POLDIP3: variants seen among roughly 807,000 people sequenced by gnomAD.
POLDIP3 encodes polymerase delta-interacting protein 3.
POLDIP3 carries 14 observed loss-of-function variants against 45.1 expected under a neutral mutation model. That is an observed-to-expected ratio of 0.31 (90% CI 0.20 to 0.49). The LOEUF (loss-of-function observed/expected upper bound fraction) is 0.49, where lower values mean the gene tolerates loss of function less well. Ranked by LOEUF, POLDIP3 falls within the 20% of genes least tolerant of loss-of-function variation. POLDIP3 has a pLI of 0.99. For missense variants in POLDIP3, 511 were observed against 538.8 expected (o/e 0.95, Z 0.51); for synonymous variants, 223 against 205.2 (o/e 1.09, Z -0.74).
intron 1 of POLDIP3, among the ~76,000 whole-genome samples, chr22:42,614,328 T>C (rs889127755): frequency 6.6e-6 from 1 of 152,224 alleles, no homozygotes; most frequent in Non-Finnish European, 1.5e-5. Context: ...AGGGGCCGCG[T>C]GCAGGGGGAT....
intron 4 of POLDIP3, chr22:42,597,728 G>A (rs1040836843): frequency 6.4e-6 from 3 of 470,738 alleles, no homozygotes; most frequent in Admixed American, 4.7e-5. Context: ...TTACTGGAAA[G>A]GCCTGGTCCC....
chr22:42,613,158 C>T (rs957518254), intron 1 of POLDIP3, among the ~76,000 whole-genome samples: 3 of 152,178 alleles, frequency 2.0e-5, no homozygotes, highest in African/African-American at 7.2e-5. Context: ...TGGGGTGGAT[C>T]ATTCTGTCGT....
Position 42,587,514 on chromosome 22 carries a change from G to A in POLDIP3, c.1080C>T (p.Pro360=). 1 of 1,613,910 alleles carries A rather than the reference G, an allele frequency of 6.2e-7. No homozygotes were observed. The highest frequency in any genetic ancestry group is 8.5e-7 in the Non-Finnish European group (1 of 1,179,780). ...MNGNVITSDQ[P]ILLRLSDSPS... is the part of the protein sequence containing the mutation. ...CCGCCTTTGGAACTCACAGCAGGAT[G>A]GGCTGGTCTGAGGTGATAACATTCC... The change falls in exon 8 of 9, where the codon CCC becomes CCT. Residue 360 remains proline, a synonymous_variant. Transcript: ENST00000252115.
intron 8 of POLDIP3, 22 bp from the exon 9 acceptor site, chr22:42,585,990 C>CA: frequency 6.4e-7 from 1 of 1,573,024 alleles, no homozygotes; most frequent in Non-Finnish European, 8.6e-7. Context: ...AGAGAAGAGT[C>CA]AAAAATTCTT....
At chr22:42,610,052 T>C (rs1320947613) in intron 1 of POLDIP3, among the ~76,000 whole-genome samples, 1 of 152,064 alleles carries the variant, frequency 6.6e-6, no homozygotes, top group African/African-American at 2.4e-5. Context: ...CCCATGCCTG[T>C]AGTCCCAGCT....
intron 1 of POLDIP3, among the ~76,000 whole-genome samples, chr22:42,607,627 G>A (rs1350920597): frequency 2.0e-5 from 3 of 150,484 alleles, no homozygotes; most frequent in Non-Finnish European, 4.4e-5. Context: ...AGTGAGGAGC[G>A]CCTCTTCCCG....
intron 1 of POLDIP3, among the ~76,000 whole-genome samples, chr22:42,612,218 G>T (rs950450787): frequency 6.6e-6 from 1 of 152,216 alleles, no homozygotes. Flanking sequence ...CGTCTATCAA[G>T]CACTTAAGTA....
chr22:42,585,696 G>A lies in POLDIP3; in HGVS notation c.*95C>T. ...CTGGCAACCCTTCCCACAATCAGGGGTCTCCAGTCCGATGGCCCATTGGTC... is the reference window on the plus strand; with the variant it reads ...CTGGCAACCCTTCCCACAATCAGGGATCTCCAGTCCGATGGCCCATTGGTC... On this transcript the variant is annotated 3_prime_UTR_variant, in exon 9 of 9. Coordinates refer to ENST00000252115, the MANE Select transcript of POLDIP3 (RefSeq NM_032311.5). 1 of 1,404,934 alleles carries A rather than the reference G, an allele frequency of 7.1e-7. No individual in the cohort carries two copies. Among genetic ancestry groups the A allele is most frequent in the Non-Finnish European group, 9.7e-7 (1 of 1,031,310 alleles). The allele number at this position is 1,404,934 out of a possible 1,614,324, so 87.0% of individuals were successfully genotyped here. A position where few individuals can be genotyped will look rare whatever the true frequency, so the allele number is the denominator to read the frequency against.
At chr22:42,599,048 G>C (rs1926179807) in intron 4 of POLDIP3, among the ~76,000 whole-genome samples, 1 of 152,224 alleles carries the variant, frequency 6.6e-6, no homozygotes, top group Non-Finnish European at 1.5e-5. Flanking sequence ...CAGAGCTGCT[G>C]ACCACAAAGG....
intron 1 of POLDIP3, 30 bp downstream of exon 1, chr22:42,614,769 T>A (rs1927376578): frequency 6.2e-7 from 1 of 1,613,348 alleles, no homozygotes; most frequent in African/African-American, 1.3e-5. Context: ...CCGAGGACCC[T>A]AAACCCCGAA....
chr22:42,589,429 A>G (rs930756851), intron 7 of POLDIP3, among the ~76,000 whole-genome samples: 2 of 152,210 alleles, frequency 1.3e-5, no homozygotes, highest in Non-Finnish European at 2.9e-5. Context: ...CATCAGGAAG[A>G]AAACAATCAA....
chr22:42,609,904 G>T (rs905853214), intron 1 of POLDIP3, among the ~76,000 whole-genome samples: 2 of 152,186 alleles, frequency 1.3e-5, no homozygotes, highest in Admixed American at 6.5e-5. Flanking sequence ...GGGCGAGGTG[G>T]CTCACGCCTG....
intron 7 of POLDIP3, among the ~76,000 whole-genome samples, chr22:42,590,114 C>A (rs1355336473): frequency 6.6e-6 from 1 of 151,996 alleles, no homozygotes; most frequent in Non-Finnish European, 1.5e-5. Context: ...GAAAATAATT[C>A]AAGATGAATG....
chr22:42,587,356 G>A (rs927806002), intron 8 of POLDIP3, 150 bp downstream of exon 8: 3 of 814,180 alleles, frequency 3.7e-6, no homozygotes, highest in East Asian at 2.5e-5. Flanking sequence ...TTTTGGTCAA[G>A]TTTAAGCATA....
At chr22:42,598,058 G>A (rs972918531) in intron 4 of POLDIP3, among the ~76,000 whole-genome samples, 2 of 151,114 alleles carry the variant, frequency 1.3e-5, no homozygotes, top group Non-Finnish European at 2.9e-5. Flanking sequence ...GATTACAGGC[G>A]TGAGCCACCA....
chr22:42,599,578 G>A, intron 4 of POLDIP3, 120 bp downstream of exon 4: 1 of 759,962 alleles, frequency 1.3e-6, no homozygotes, highest in South Asian at 1.6e-5. Flanking sequence ...CACTCCAGCA[G>A]CCTGGGGGAG....
At chr22:42,594,904 T>C (rs1925891321) in intron 6 of POLDIP3, among the ~76,000 whole-genome samples, 1 of 152,186 alleles carries the variant, frequency 6.6e-6, no homozygotes, top group African/African-American at 2.4e-5. Flanking sequence ...GACTAAAGGA[T>C]CCCATTTAGG....
Position 42,603,213 on chromosome 22 carries a change from T to C in POLDIP3, c.60-53A>G, listed in dbSNP as rs1294506079. On this transcript the variant is annotated intron_variant, in intron 1 of 8. Transcript: ENST00000252115. Reference sequence around the variant, plus strand: ...AAGTGGATCTGGGTATCTACAGCAGTCTATGAAAGCGGAACTGTGGTAACA... The same window carrying C: ...AAGTGGATCTGGGTATCTACAGCAGCCTATGAAAGCGGAACTGTGGTAACA... 7.6e-6 allele frequency: 12 copies of C among 1,572,080 alleles called. No individual in the cohort carries two copies. In the East Asian group the frequency reaches 2.5e-4, roughly 32 times the overall value.
At chr22:42,597,712 G>C (rs760925929) in intron 4 of POLDIP3, 22 of 470,728 alleles carry the variant, frequency 4.7e-5, no homozygotes, top group Non-Finnish European at 7.0e-5. Flanking sequence ...GACTTGAGCA[G>C]TCTAATTACT....
Sources: allele counts gnomAD v4.1 joint callset (sites outside exome capture counted in the v4.1 genomes callset), GRCh38; gene constraint gnomAD v4.1.1; transcripts MANE v1.5; gene names NCBI Gene and HGNC (gene_info 2026-07-23, HGNC 2026-07-21).